The following MTBP variants were observed in gnomAD, a reference collection of about 807,000 sequenced individuals.
The protein encoded by MTBP is mdm2-binding protein.
Under a neutral mutation model 117.0 loss-of-function variants are expected in MTBP, and 101 were observed. The observed-to-expected ratio is 0.86, with a 90% CI of 0.73 to 1.02. The LOEUF (loss-of-function observed/expected upper bound fraction) is 1.02, where lower values mean the gene tolerates loss of function less well. MTBP is among the 50% of genes least tolerant of loss of function. The pLI is 0.00. For synonymous variants in MTBP, 350 were observed against 351.5 expected (o/e 1.00, Z 0.05); for missense variants, 970 against 1,030.9 (o/e 0.94, Z 0.81).
intron 7 of MTBP, among the ~76,000 whole-genome samples, chr8:120,457,293 G>A (rs9918789): frequency 0.019 from 2,895 of 152,212 alleles, 94 homozygotes; most frequent in African/African-American, 0.067. Flanking sequence ...TGTGGGTTTT[G>A]TAAGTTATGT....
chr8:120,510,330 CCTGGTCACCAATTACATTGTAGTTG>C (rs1484259258), intron 17 of MTBP, among the ~76,000 whole-genome samples: 2 of 151,960 alleles, frequency 1.3e-5, no homozygotes, highest in East Asian at 3.9e-4. Context: ...ATTAATATTT[CCTGGTCACCAATTACATTGTAGTTG>C]CTCAGAAATT....
chr8:120,507,277 C>T (rs1384896831), intron 16 of MTBP, among the ~76,000 whole-genome samples: 2 of 152,086 alleles, frequency 1.3e-5, no homozygotes, highest in Non-Finnish European at 2.9e-5. Flanking sequence ...AAAGCATGGC[C>T]TTTCACCTGA....
chr8:120,515,660 G>A (rs571797011), intron 17 of MTBP, among the ~76,000 whole-genome samples: 2 of 151,974 alleles, frequency 1.3e-5, no homozygotes, highest in African/African-American at 4.8e-5. Context: ...ATAAGCCAAA[G>A]GATTAACTTA....
chr8:120,467,800 A>T (rs1453097757), intron 10 of MTBP, among the ~76,000 whole-genome samples: 2 of 152,130 alleles, frequency 1.3e-5, no homozygotes, highest in African/African-American at 4.8e-5. Flanking sequence ...TTTTGTAGGG[A>T]ATTATAGTTT....
chr8:120,455,562 A>T lies in MTBP; in HGVS notation c.612A>T (p.Ala204=), dbSNP rs1171521177. ...GGTATTCAGCAAAGATCACTATAGC[A>T]GGAAATCATTGTGAAATGTAAGCTT... ...REWYSAKITI[A]GNHCEINCQK... is the part of the protein sequence containing the mutation. Residue 204 remains alanine (A), a synonymous_variant, in exon 6 of 22, where the codon GCA becomes GCT. Transcript: ENST00000305949. 2 of 1,608,970 alleles carry T rather than the reference A, an allele frequency of 1.2e-6. No homozygotes were observed. The highest frequency in any genetic ancestry group is 1.7e-6 in the Non-Finnish European group (2 of 1,178,590).
chr8:120,451,652 G>A (rs1212521019), intron 4 of MTBP: 3 of 237,674 alleles, frequency 1.3e-5, no homozygotes, highest in Admixed American at 5.2e-5. Flanking sequence ...GTGCAGTCAC[G>A]GCTTGCTACA....
chr8:120,466,522 C>T (rs1813698103), intron 10 of MTBP, among the ~76,000 whole-genome samples: 1 of 151,172 alleles, frequency 6.6e-6, no homozygotes, highest in East Asian at 2.0e-4. Context: ...GGTCATTTTT[C>T]ACATTTTTGA....
chr8:120,503,634 A>G (rs555693165), intron 15 of MTBP, among the ~76,000 whole-genome samples: 3 of 152,292 alleles, frequency 2.0e-5, no homozygotes, highest in East Asian at 3.9e-4. Context: ...AGGATTTCAT[A>G]TGAAAGAGTG....
intron 14 of MTBP, among the ~76,000 whole-genome samples, chr8:120,498,894 G>A (rs537376022): frequency 2.0e-5 from 3 of 152,108 alleles, no homozygotes; most frequent in Non-Finnish European, 4.4e-5. Flanking sequence ...AGATAGGAAG[G>A]GCTCAAATAA....
At chr8:120,460,710 T>TG (rs1328069105) in intron 8 of MTBP, among the ~76,000 whole-genome samples, 1 of 152,164 alleles carries the variant, frequency 6.6e-6, no homozygotes, top group African/African-American at 2.4e-5. Context: ...AATTTTTTTT[T>TG]TCTAAATGTC....
rs756796600 is a variant in MTBP, at chr8:120,518,752, G to A, written c.2545G>A (p.Glu849Lys). Residue 849 changes from glutamate to lysine, a missense_variant, in exon 20 of 22, where the codon GAG becomes AAG. By Grantham distance (56) the Glu-to-Lys change is moderately conservative. Coordinates refer to ENST00000305949, the MANE Select transcript of MTBP (RefSeq NM_022045.5). ...AACCCTGAAGAAACACAGTATTACC[G>A]AGACTCATGAATGTTTCACTGCATG... Reference protein sequence around the residue: ...TETLKKHSITETHECFTACSQ... With the variant: ...TETLKKHSITKTHECFTACSQ... 3.1e-6 allele frequency: 5 copies of A among 1,611,806 alleles called. No homozygotes were observed. Among genetic ancestry groups the A allele is most frequent in the South Asian group, 2.2e-5 (2 of 90,926 alleles).
At chr8:120,486,861 A>G (rs1486779248) in intron 11 of MTBP, among the ~76,000 whole-genome samples, 1 of 152,178 alleles carries the variant, frequency 6.6e-6, no homozygotes, top group African/African-American at 2.4e-5. Context: ...GCTTCTTCCC[A>G]ATCCTAATCT....
At chr8:120,499,687 C>CTG (rs1814540586) in intron 14 of MTBP, among the ~76,000 whole-genome samples, 2 of 152,076 alleles carry the variant, frequency 1.3e-5, no homozygotes, top group Admixed American at 6.5e-5. Context: ...GTTATTTAAT[C>CTG]TGCTTATTTT....
At position 120,461,181 on chromosome 8, in the gene MTBP, T is replaced by G; in HGVS notation, c.903T>G (p.Pro301=). The G allele has an allele frequency of 6.2e-7, 1 of 1,600,480 alleles. No homozygotes were observed. ...ILPKVFHYYG[P]ALEFVQMIKL... ...TCTAGGTTTTCCATTATTATGGCCC[T>G]GCTTTAGAATTTGTGCAGATGATAA... The change falls in exon 9 of 22, where the codon CCT becomes CCG. Residue 301 remains proline (P), a synonymous_variant. Coordinates refer to ENST00000305949, the MANE Select transcript of MTBP (RefSeq NM_022045.5).
intron 10 of MTBP, among the ~76,000 whole-genome samples, chr8:120,467,343 A>T (rs1291906776): frequency 1.3e-5 from 2 of 152,182 alleles, no homozygotes; most frequent in African/African-American, 4.8e-5. Flanking sequence ...GGCCAGGTGC[A>T]GTGACTCACG....
At chr8:120,454,816 A>G (rs1423741984) in intron 5 of MTBP, among the ~76,000 whole-genome samples, 1 of 152,086 alleles carries the variant, frequency 6.6e-6, no homozygotes, top group African/African-American at 2.4e-5. Flanking sequence ...TACTTTCATT[A>G]TCAAATTTAT....
At chr8:120,453,737 C>A in intron 4 of MTBP, 110 bp from the exon 5 acceptor site, 1 of 452,988 alleles carries the variant, frequency 2.2e-6, no homozygotes, top group South Asian at 5.7e-5. Context: ...ATACATCTAA[C>A]ATGTTTAACA....
At chr8:120,491,890 C>T (rs552292779) in intron 13 of MTBP, among the ~76,000 whole-genome samples, 13 of 152,284 alleles carry the variant, frequency 8.5e-5, no homozygotes, top group African/African-American at 2.9e-4. Context: ...AGGGCCATCC[C>T]TCCTGGTTGT....
intron 14 of MTBP, among the ~76,000 whole-genome samples, chr8:120,498,969 G>A (rs1418281542): frequency 1.3e-5 from 2 of 152,182 alleles, no homozygotes; most frequent in Non-Finnish European, 2.9e-5. Flanking sequence ...AAGGATACTT[G>A]ACACACTGAG....
Sources: allele counts gnomAD v4.1 joint callset (sites outside exome capture counted in the v4.1 genomes callset), GRCh38; gene constraint gnomAD v4.1.1; transcripts MANE v1.5; gene names NCBI Gene and HGNC (gene_info 2026-07-23, HGNC 2026-07-21).